Variants in CALN1 observed in about 807,000 individuals in gnomAD.
CALN1 encodes calneuron 1, also known as calcium-binding protein 8.
In CALN1, 17 loss-of-function variants were observed where a neutral mutation model predicts 30.6. The observed-to-expected ratio is 0.56, with a 90% CI of 0.38 to 0.83. The LOEUF (loss-of-function observed/expected upper bound fraction) is 0.83, where lower values mean the gene tolerates loss of function less well. CALN1 is among the 40% of genes least tolerant of loss of function. CALN1 has a pLI of 0.00. For synonymous variants in CALN1, 156 were observed against 131.4 expected, an observed-to-expected ratio of 1.19 and a Z score of -1.28; for missense variants, 291 against 354.9, an observed-to-expected ratio of 0.82 and a Z score of 1.45.
chr7:72,306,753 T>C (rs1799681720), intron 2 of CALN1, among the ~76,000 whole-genome samples: 1 of 152,218 alleles, frequency 6.6e-6, no homozygotes, highest in African/African-American at 2.4e-5. Context: ...CTTAAATGTA[T>C]TTGATTGATG....
At chr7:72,044,329 G>C (rs1361817907) in intron 4 of CALN1, among the ~76,000 whole-genome samples, 2 of 152,074 alleles carry the variant, frequency 1.3e-5, no homozygotes, top group Non-Finnish European at 1.5e-5. Flanking sequence ...TTCATCCAGA[G>C]CCGGCCTCCT....
chr7:71,946,115 G>C (rs1230444922), intron 5 of CALN1, among the ~76,000 whole-genome samples: 5 of 152,102 alleles, frequency 3.3e-5, no homozygotes, highest in Admixed American at 3.3e-4. Context: ...AGTTCCAAAA[G>C]GATTTTTGGA....
intron 5 of CALN1, among the ~76,000 whole-genome samples, chr7:72,017,018 G>A (rs1300817904): frequency 1.1e-4 from 10 of 90,778 alleles, no homozygotes; most frequent in African/African-American, 2.5e-4. Flanking sequence ...AAAAAAAAAA[G>A]CTGGGTATGG....
intron 5 of CALN1, among the ~76,000 whole-genome samples, chr7:71,899,828 C>T (rs1184727065): frequency 6.6e-6 from 1 of 152,086 alleles, no homozygotes; most frequent in Admixed American, 6.6e-5. Context: ...ATATTAGGCA[C>T]ATTAAGACGT....
rs772719307 is a variant in CALN1, at chr7:71,855,586, A to C, written c.502-45094T>G. The stretch of plus-strand genomic sequence containing the variant: ...TCAATCTGGAGCTAGGGCTGCAAAG[A>C]AGCTGTTTTGGAGGTTCCGTCTGAC... On this transcript the variant is annotated intron_variant, in intron 5 of 6. Coordinates refer to ENST00000395275, the MANE Select transcript of CALN1 (RefSeq NM_031468.4). 1.3e-3 allele frequency among the ~76,000 whole-genome samples: 191 copies of C among 152,168 alleles called. 2 individuals carry two copies. Among genetic ancestry groups the C allele is most frequent in the Middle Eastern group, 6.8e-3 (2 of 294 alleles).
chr7:72,189,159 T>C (rs978187730), intron 3 of CALN1, among the ~76,000 whole-genome samples: 11 of 152,208 alleles, frequency 7.2e-5, no homozygotes, highest in Non-Finnish European at 1.3e-4. Flanking sequence ...AGGGTGAACA[T>C]AGCCATGGCT....
intron 1 of CALN1, among the ~76,000 whole-genome samples, chr7:72,440,697 T>TGC (rs1376077300): frequency 1.7e-4 from 26 of 152,070 alleles, no homozygotes; most frequent in Non-Finnish European, 3.7e-4. Context: ...TGTGGTGGCT[T>TGC]ATGCCTGTAA....
At chr7:71,811,685 T>C (rs201849381) in intron 5 of CALN1, among the ~76,000 whole-genome samples, 2 of 64,002 alleles carry the variant, frequency 3.1e-5, no homozygotes, top group East Asian at 1.3e-3. Context: ...TCTTTTTTTT[T>C]TTTTTTTTCC....
At chr7:71,990,668 G>T (rs1332000543) in intron 5 of CALN1, among the ~76,000 whole-genome samples, 1 of 152,076 alleles carries the variant, frequency 6.6e-6, no homozygotes, top group Non-Finnish European at 1.5e-5. Flanking sequence ...GGCCAGGCTG[G>T]TCTCAAACTC....
chr7:72,041,722 G>C (rs150012981), intron 4 of CALN1, among the ~76,000 whole-genome samples: 1 of 152,136 alleles, frequency 6.6e-6, no homozygotes, highest in Admixed American at 6.5e-5. Flanking sequence ...TAATTCCCAC[G>C]TGTCATGGGA....
intron 4 of CALN1, among the ~76,000 whole-genome samples, chr7:72,074,897 A>C (rs1804632306): frequency 1.3e-5 from 2 of 152,276 alleles, no homozygotes; most frequent in Admixed American, 1.3e-4. Context: ...ACTTCGAAGA[A>C]GTTAATAGTC....
intron 2 of CALN1, among the ~76,000 whole-genome samples, chr7:72,313,302 T>C (rs1441334593): frequency 2.0e-5 from 3 of 152,134 alleles, no homozygotes; most frequent in East Asian, 3.8e-4. Context: ...GTAAGCATTA[T>C]TGGGAAAATC....
intron 3 of CALN1, among the ~76,000 whole-genome samples, chr7:72,163,850 A>G (rs1034328743): frequency 2.3e-4 from 35 of 152,226 alleles, no homozygotes; most frequent in Non-Finnish European, 3.2e-4. Context: ...AACATAAAAG[A>G]AGAAATATTT....
intron 5 of CALN1, among the ~76,000 whole-genome samples, chr7:72,022,917 A>G (rs1740304386): frequency 8.9e-6 from 1 of 111,918 alleles, no homozygotes; most frequent in Non-Finnish European, 1.6e-5. Flanking sequence ...AAATAAATAA[A>G]ATTAAAAAAA....
intron 2 of CALN1, among the ~76,000 whole-genome samples, chr7:72,328,273 C>T (rs908770881): frequency 1.3e-5 from 2 of 152,104 alleles, no homozygotes; most frequent in African/African-American, 4.8e-5. Flanking sequence ...AAGGGTGGGG[C>T]CAGGTGGAGA....
At chr7:71,869,343 TG>T (rs1791785661) in intron 5 of CALN1, among the ~76,000 whole-genome samples, 1 of 152,110 alleles carries the variant, frequency 6.6e-6, no homozygotes, top group Admixed American at 6.6e-5. Context: ...CCTGAGTAGC[TG>T]GGATTACAAG....
the CALN1 span, among the ~76,000 whole-genome samples, chr7:72,487,943 AAGGAAGGAAGGAAAGG>A: frequency 5.7e-3 from 399 of 70,012 alleles, 7 homozygotes; most frequent in African/African-American, 0.02. Flanking sequence ...GGAAGGAAGG[AAGGAAGGAAGGAAAGG>A]AAGGAAGGAA....
Position 72,267,748 on chromosome 7 carries a change from T to A in CALN1, c.244+10938A>T, listed in dbSNP as rs1026535891. On this transcript the variant is annotated intron_variant, in intron 3 of 6. Coordinates refer to ENST00000395275, the MANE Select transcript of CALN1 (RefSeq NM_031468.4). ...TGGGCCGGGTGTGTTGACTCACATC[T>A]GTAATCCCAGCACTTTGGCAGGCTG... Among the ~76,000 whole-genome samples the A allele has an allele frequency of 2.6e-5, 4 of 152,256 alleles. No homozygotes were observed. In the East Asian group the frequency reaches 7.7e-4, roughly 29 times the overall value.
At chr7:71,803,675 ATGT>A (rs1787437624) in intron 6 of CALN1, among the ~76,000 whole-genome samples, 1 of 150,896 alleles carries the variant, frequency 6.6e-6, no homozygotes, top group African/African-American at 2.4e-5. Context: ...GGGTTTCGCC[ATGT>A]TGGCCAGGCT....
Sources: allele counts gnomAD v4.1 joint callset (sites outside exome capture counted in the v4.1 genomes callset), GRCh38; gene constraint gnomAD v4.1.1; transcripts MANE v1.5; gene names NCBI Gene and HGNC (gene_info 2026-07-23, HGNC 2026-07-21).